Variants in CFAP20DC observed in about 807,000 individuals in gnomAD.
The protein encoded by CFAP20DC is CFAP20 domain containing.
A neutral mutation model predicts 101.7 loss-of-function variants in CFAP20DC; 84 were observed. That is an observed-to-expected ratio of 0.83 (90% CI 0.69 to 0.99). The LOEUF (loss-of-function observed/expected upper bound fraction) is 0.99. Ranked by LOEUF, CFAP20DC falls within the 50% of genes least tolerant of loss-of-function variation. The pLI is 0.00. For synonymous variants in CFAP20DC, 359 were observed against 351.2 expected (o/e 1.02, Z -0.25); for missense variants, 1,007 against 970.3 (o/e 1.04, Z -0.50).
intron 2 of CFAP20DC, among the ~76,000 whole-genome samples, chr3:59,046,792 G>C (rs1699899882): frequency 6.6e-6 from 1 of 152,224 alleles, no homozygotes; most frequent in African/African-American, 2.4e-5. Flanking sequence ...AGGTCCTATA[G>C]TTTGTGGTGA....
intron 3 of CFAP20DC, chr3:58,734,502 C>T: frequency 2.2e-6 from 1 of 455,418 alleles, no homozygotes; most frequent in Non-Finnish European, 4.4e-6. Context: ...TTCGGTGGTC[C>T]ATTTGTCAGC....
At chr3:58,857,915 C>T (rs537819169) in intron 12 of CFAP20DC, among the ~76,000 whole-genome samples, 1 of 152,182 alleles carries the variant, frequency 6.6e-6, no homozygotes, top group Non-Finnish European at 1.5e-5. Flanking sequence ...ATTGATTTCA[C>T]GTATGTAATT....
In CFAP20DC at chr3:58,795,596, G is replaced by C. The variant is rs555692111; in HGVS notation, c.2237+10799C>G. Among the ~76,000 whole-genome samples the C allele has an allele frequency of 6.6e-6, 1 of 152,348 alleles. No individual in the cohort carries two copies. Among genetic ancestry groups the C allele is most frequent in the South Asian group, 2.1e-4 (1 of 4,832 alleles). On this transcript the variant is annotated intron_variant, in intron 15 of 16. Transcript: ENST00000482387. This position sits in a 1 kb window ranked among gnomAD's most constrained non-coding sequence, Gnocchi z 4.2. ...GCCATGATTGTGCCACTGCACTTCA[G>C]CCTGGGTGACAGACTGAGATCCTGT...
At position 58,788,752 on chromosome 3, in the gene CFAP20DC, C is replaced by A. The variant is rs1166901693; in HGVS notation, c.2237+17643G>T. Among the ~76,000 whole-genome samples, 1 of 152,038 alleles carries A rather than the reference C, an allele frequency of 6.6e-6. No homozygotes were observed. Among genetic ancestry groups the A allele is most frequent in the Admixed American group, 6.6e-5 (1 of 15,258 alleles). The stretch of plus-strand genomic sequence containing the variant: ...TCCTTTTAGCCTTGTGACCTTTGAG[C>A]CAAACTCTGTGTCTCTTGTTTCCAC... On this transcript the variant is annotated intron_variant, in intron 15 of 16. Coordinates refer to ENST00000482387, the MANE Select transcript of CFAP20DC (RefSeq NM_001394063.1). This position sits in a 1 kb window ranked among gnomAD's most constrained non-coding sequence, Gnocchi z 4.2.
At chr3:58,933,276 T>A (rs1576367452) in intron 5 of CFAP20DC, among the ~76,000 whole-genome samples, 1 of 151,792 alleles carries the variant, frequency 6.6e-6, no homozygotes, top group South Asian at 2.1e-4. Flanking sequence ...ATAAAGCAAG[T>A]CCTGAGTGAC....
Position 58,861,650 on chromosome 3 carries a change from T to C in CFAP20DC, c.1593+1908A>G. 1 of 985,464 alleles carries C rather than the reference T, an allele frequency of 1.0e-6. No homozygotes were observed. Among genetic ancestry groups the C allele is most frequent in the Non-Finnish European group, 1.2e-6 (1 of 829,932 alleles). 61.0% of individuals were successfully genotyped at this position (985,464 alleles called of 1,614,324 possible). A position where few individuals can be genotyped will look rare whatever the true frequency, so the allele number is the denominator to read the frequency against. On this transcript the variant is annotated intron_variant, in intron 12 of 16. Transcript: ENST00000482387. The surrounding 1 kb of genome is among the most constrained non-coding windows in gnomAD (Gnocchi z 4.0). ...TTTTTGTATCTTAGCTTGTATCTCG[T>C]TAGTCTCTGTACCAGCAAACCCCAA...
chr3:58,955,865 T>TA (rs2090578482), intron 4 of CFAP20DC, among the ~76,000 whole-genome samples: 1 of 151,296 alleles, frequency 6.6e-6, no homozygotes, highest in African/African-American at 2.4e-5. Flanking sequence ...AGCAGTAGGA[T>TA]AGGGCAACAG....
intron 4 of CFAP20DC, among the ~76,000 whole-genome samples, chr3:59,035,906 T>G (rs1338179747): frequency 1.3e-5 from 2 of 152,014 alleles, no homozygotes; most frequent in Non-Finnish European, 2.9e-5. Flanking sequence ...AGAGAAAATT[T>G]CAGGCCAATA....
intron 16 of CFAP20DC, among the ~76,000 whole-genome samples, chr3:58,748,576 C>G (rs116067590): frequency 0.021 from 3,172 of 152,236 alleles, 43 homozygotes; most frequent in Middle Eastern, 0.058. Flanking sequence ...TATCACCCTA[C>G]TCACAGGGGA....
intron 15 of CFAP20DC, among the ~76,000 whole-genome samples, chr3:58,778,964 A>G (rs565428567): frequency 3.3e-5 from 5 of 152,316 alleles, no homozygotes; most frequent in Admixed American, 2.0e-4. Flanking sequence ...TTCAGGAAAA[A>G]TTTCTCCCCA....
chr3:58,811,268 C>G (rs1186925936), intron 14 of CFAP20DC, among the ~76,000 whole-genome samples: 2 of 152,134 alleles, frequency 1.3e-5, no homozygotes, highest in East Asian at 1.9e-4. Flanking sequence ...GCCAAAAGAA[C>G]AAAGCTGGAG....
rs35439333 is a variant in CFAP20DC, at chr3:58,784,047, A to ATTT, written c.2237+22345_2237+22347dup. Among the ~76,000 whole-genome samples the ATTT allele has an allele frequency of 8.4e-5, 12 of 142,026 alleles. No homozygotes were observed. The East Asian group carries it at 1.0e-3, about 12-fold the overall frequency. 93.2% of individuals were successfully genotyped at this position (142,026 alleles called of 152,430 possible). Reference sequence around the variant, plus strand: ...GGTACCTATTGTTTCTATTGTTGCCATTTTTTTTTTTTAAGACAGCGCCTT... The same window carrying ATTT: ...GGTACCTATTGTTTCTATTGTTGCCATTTTTTTTTTTTTTTAAGACAGCGCCTT... On this transcript the variant is annotated intron_variant, in intron 15 of 16. Transcript: ENST00000482387.
At chr3:58,856,380 T>C (rs1029599463) in intron 12 of CFAP20DC, among the ~76,000 whole-genome samples, 1 of 151,930 alleles carries the variant, frequency 6.6e-6, no homozygotes, top group Admixed American at 6.6e-5. Flanking sequence ...TTCTTTAAGA[T>C]TGGGTGCCAA....
chr3:58,916,504 ATG>A (rs537157178), intron 5 of CFAP20DC, among the ~76,000 whole-genome samples: 9 of 151,968 alleles, frequency 5.9e-5, no homozygotes, highest in African/African-American at 2.2e-4. Context: ...GGGTATGCAT[ATG>A]TGTGTGTGTG....
intron 15 of CFAP20DC, among the ~76,000 whole-genome samples, chr3:58,803,729 A>G (rs2073867501): frequency 6.6e-6 from 1 of 152,202 alleles, no homozygotes; most frequent in Non-Finnish European, 1.5e-5. Flanking sequence ...CAGTTATATG[A>G]TAATTTTTTA....
chr3:58,777,334 T>C (rs1290268321), intron 15 of CFAP20DC, among the ~76,000 whole-genome samples: 1 of 152,212 alleles, frequency 6.6e-6, no homozygotes, highest in Non-Finnish European at 1.5e-5. Context: ...CTCCTTAAAA[T>C]GTATAAAACC....
Position 58,717,473 on chromosome 3 carries a change from T to C in CFAP20DC, c.*115A>G, listed in dbSNP as rs537976729. 16 of 307,512 alleles carry C rather than the reference T, an allele frequency of 5.2e-5. No homozygotes were observed. Among genetic ancestry groups the C allele is most frequent in the African/African-American group, 3.1e-4 (14 of 44,972 alleles). 19.0% of individuals were successfully genotyped at this position (307,512 alleles called of 1,614,324 possible). ...AGACAAAAGATGCTTATTCTTCTCA[T>C]GTGAAATGTGTTCTGGAAACTGTAG... On this transcript the variant is annotated 3_prime_UTR_variant, in exon 4 of 4. Transcript: ENST00000486145. The surrounding 1 kb of genome is among the most constrained non-coding windows in gnomAD (Gnocchi z 4.1).
intron 13 of CFAP20DC, among the ~76,000 whole-genome samples, chr3:58,837,470 G>T (rs2108123887): frequency 6.6e-6 from 1 of 152,240 alleles, no homozygotes; most frequent in Admixed American, 6.5e-5. Flanking sequence ...ATAGTGACAG[G>T]GAGGGAGCAC....
intron 5 of CFAP20DC, among the ~76,000 whole-genome samples, chr3:58,915,252 A>G (rs1013675441): frequency 2.0e-4 from 31 of 152,128 alleles, no homozygotes; most frequent in Admixed American, 1.8e-3. Context: ...AGGGCTGGCT[A>G]GGAAGCTTAT....
Sources: gnomAD v4.1 joint callset for allele counts (sites outside exome capture counted in the v4.1 genomes callset) on GRCh38, gnomAD v4.1.1 for gene constraint, Gnocchi (gnomAD v3.1) non-coding constraint, MANE v1.5 for transcripts, NCBI Gene and HGNC (gene_info 2026-07-23, HGNC 2026-07-21) for gene names.